Variants in LYN observed in about 807,000 individuals in gnomAD.
LYN encodes the protein LYN proto-oncogene, Src family tyrosine kinase, also known as tyrosine-protein kinase Lyn.
LYN carries 12 observed loss-of-function variants against 65.0 expected under a neutral mutation model. The observed-to-expected ratio is 0.18, with a 90% confidence interval of 0.12 to 0.30. The LOEUF is 0.30. LYN is among the 10% of genes least tolerant of loss of function. The pLI is 1.00. For missense variants in LYN, 380 were observed against 623.2 expected, an observed-to-expected ratio of 0.61 and a Z score of 4.16; for synonymous variants, 222 against 221.2, an observed-to-expected ratio of 1.00 and a Z score of -0.03.
intron 1 of LYN, among the ~76,000 whole-genome samples, chr8:55,919,638 C>T (rs553055937): frequency 6.6e-6 from 1 of 152,258 alleles, no homozygotes; most frequent in Admixed American, 6.5e-5. Context: ...AACCCATGCC[C>T]GTGGGAACAA....
chr8:56,011,536 AG>A lies in LYN; in HGVS notation c.*1427del, dbSNP rs1808817708. On this transcript the variant is annotated 3_prime_UTR_variant, in exon 13 of 13. Transcript: ENST00000519728. ...CCTTCCTTTGAACATTTCAGATTGG[AG>A]AACCAAGGAGTTGATTGCCTGAACA... 1 of 192,198 alleles carries A rather than the reference AG, an allele frequency of 5.2e-6. No individual in the cohort carries two copies. The highest frequency in any genetic ancestry group is 1.1e-5 in the Non-Finnish European group (1 of 92,156). The allele number at this position is 192,198 out of a possible 1,614,324, so 11.9% of individuals were successfully genotyped here.
chr8:55,946,606 A>G (rs1806785473), intron 3 of LYN, 113 bp downstream of exon 3: 1 of 717,830 alleles, frequency 1.4e-6, no homozygotes, highest in African/African-American at 1.8e-5. Context: ...TATATAACAT[A>G]AAAATTTACC....
At chr8:55,912,225 C>T (rs1461566566) in intron 1 of LYN, among the ~76,000 whole-genome samples, 1 of 152,052 alleles carries the variant, frequency 6.6e-6, no homozygotes, top group African/African-American at 2.4e-5. Flanking sequence ...TTCTGTGTGC[C>T]CCTTTTGCAA....
At chr8:55,896,442 G>A (rs889274568) in intron 1 of LYN, among the ~76,000 whole-genome samples, 1 of 151,846 alleles carries the variant, frequency 6.6e-6, no homozygotes, top group Non-Finnish European at 1.5e-5. Context: ...CTCATAAGTG[G>A]GAGCTGAACA....
intron 8 of LYN, among the ~76,000 whole-genome samples, chr8:55,966,450 C>A (rs1807462471): frequency 6.6e-6 from 1 of 152,050 alleles, no homozygotes; most frequent in African/African-American, 2.4e-5. Flanking sequence ...TCACTGCAAC[C>A]TCCACCTCCT....
chr8:55,919,634 T>A (rs1177946477), intron 1 of LYN, among the ~76,000 whole-genome samples: 1 of 152,154 alleles, frequency 6.6e-6, no homozygotes, highest in East Asian at 1.9e-4. Flanking sequence ...GAAAAACCCA[T>A]GCCCGTGGGA....
rs570931242 is a variant in LYN, at chr8:55,952,260, A to G, written c.637+145A>G. On this transcript the variant is annotated intron_variant, in intron 7 of 12. Coordinates refer to ENST00000519728, the MANE Select transcript of LYN (RefSeq NM_002350.4). Reference sequence around the variant, plus strand: ...CAGGTCATATTCTATAAGTGGTTCTAAATTAATCTATAGTTAGGCCAGGCA... The same window carrying G: ...CAGGTCATATTCTATAAGTGGTTCTGAATTAATCTATAGTTAGGCCAGGCA... 30 of 660,640 alleles carry G rather than the reference A, an allele frequency of 4.5e-5. No homozygotes were observed. The South Asian group carries it at 7.4e-4, about 16-fold the overall frequency. 40.9% of individuals were successfully genotyped at this position (660,640 alleles called of 1,614,324 possible).
intron 1 of LYN, among the ~76,000 whole-genome samples, chr8:55,894,860 G>T (rs897573735): frequency 6.6e-6 from 1 of 151,662 alleles, no homozygotes; most frequent in Non-Finnish European, 1.5e-5. Context: ...TGTATTTTTT[G>T]TAGAGATGGG....
At position 56,012,046 on chromosome 8, in the gene LYN, A is replaced by C; in HGVS notation, c.*1936A>C. The C allele has an allele frequency of 1.0e-5, 2 of 190,896 alleles. No individual in the cohort carries two copies. The highest frequency in any genetic ancestry group is 2.2e-5 in the Non-Finnish European group (2 of 91,208). The allele number at this position is 190,896 out of a possible 1,614,324, so 11.8% of individuals were successfully genotyped here. A position where few individuals can be genotyped will look rare whatever the true frequency, so the allele number is the denominator to read the frequency against. ...ATCTTCGCCTTGTTTTGCTTCTCCC[A>C]GTTCCTCCTCTTCTTGCCATTTTCC... On this transcript the variant is annotated 3_prime_UTR_variant, in exon 13 of 13. Transcript: ENST00000519728.
chr8:55,918,648 C>T (rs1031046711), intron 1 of LYN, among the ~76,000 whole-genome samples: 2 of 152,068 alleles, frequency 1.3e-5, no homozygotes, highest in African/African-American at 2.4e-5. Context: ...GCCAGGTGTT[C>T]GGGGTTGTCT....
chr8:55,910,244 T>C (rs1343995153), intron 1 of LYN, among the ~76,000 whole-genome samples: 2 of 152,210 alleles, frequency 1.3e-5, no homozygotes, highest in East Asian at 3.8e-4. Context: ...AGAAGTGTTT[T>C]CCCTAGATTT....
rs1808839510 is a variant in LYN, at chr8:56,012,217, T to C, written c.*2107T>C. On this transcript the variant is annotated 3_prime_UTR_variant, in exon 13 of 13. Coordinates refer to ENST00000519728, the MANE Select transcript of LYN (RefSeq NM_002350.4). ...CACACACAGTCTCCTTACTTAGCTA[T>C]AGGTTTCCAGCCTCCCTGTGACAGA... 5.5e-6 allele frequency: 1 copy of C among 181,560 alleles called. No individual in the cohort carries two copies. Among genetic ancestry groups the C allele is most frequent in the South Asian group, 2.0e-4 (1 of 5,082 alleles). 11.2% of individuals were successfully genotyped at this position (181,560 alleles called of 1,614,324 possible). A position where few individuals can be genotyped will look rare whatever the true frequency, so the allele number is the denominator to read the frequency against.
chr8:55,880,208 G>C (rs1033386626), intron 1 of LYN, 105 bp downstream of exon 1: 1 of 155,160 alleles, frequency 6.4e-6, no homozygotes, highest in African/African-American at 2.4e-5. Flanking sequence ...GGGTAGACTC[G>C]GGGCCGGGGG....
Position 56,012,258 on chromosome 8 carries a change from G to A in LYN, c.*2148G>A, listed in dbSNP as rs1280242992. ...CTGTGACAGACAGGCATAATGAGGG[G>A]CTGAATAGGTGTTTGTAGCATTTTC... is the stretch of plus-strand genomic sequence containing the variant. On this transcript the variant is annotated 3_prime_UTR_variant, in exon 13 of 13. Coordinates refer to ENST00000519728, the MANE Select transcript of LYN (RefSeq NM_002350.4). The A allele has an allele frequency of 2.2e-5, 4 of 180,530 alleles. No homozygotes were observed. In the South Asian group the frequency reaches 7.9e-4, roughly 36 times the overall value. 11.2% of individuals were successfully genotyped at this position (180,530 alleles called of 1,614,324 possible).
chr8:55,978,103 A>G (rs1391528923), intron 10 of LYN, among the ~76,000 whole-genome samples: 1 of 152,174 alleles, frequency 6.6e-6, no homozygotes, highest in African/African-American at 2.4e-5. Flanking sequence ...AAACCTCTCA[A>G]CCAAGTGGCT....
intron 10 of LYN, among the ~76,000 whole-genome samples, chr8:55,978,407 C>T (rs556045841): frequency 2.2e-4 from 33 of 152,200 alleles, no homozygotes; most frequent in Non-Finnish European, 2.5e-4. Flanking sequence ...ATTGCGGGCA[C>T]GGGGTTGAGG....
At chr8:55,987,954 A>G (rs1441288323) in intron 10 of LYN, among the ~76,000 whole-genome samples, 3 of 152,188 alleles carry the variant, frequency 2.0e-5, no homozygotes, top group Non-Finnish European at 4.4e-5. Flanking sequence ...CATGGTAGCA[A>G]TCATCATCAT....
chr8:55,957,260 A>G (rs557942098), intron 8 of LYN, among the ~76,000 whole-genome samples: 3 of 152,262 alleles, frequency 2.0e-5, no homozygotes, highest in Non-Finnish European at 4.4e-5. Flanking sequence ...CGTGTGCCCT[A>G]TTTTTATTAT....
Position 56,013,220 on chromosome 8 carries a change from G to A in LYN, c.*3110G>A, listed in dbSNP as rs1199073443. The A allele has an allele frequency of 6.6e-6, 1 of 151,754 alleles. No individual in the cohort carries two copies. Among genetic ancestry groups the A allele is most frequent in the African/African-American group, 2.4e-5 (1 of 41,256 alleles). The allele number at this position is 151,754 out of a possible 1,614,324, so 9.4% of individuals were successfully genotyped here. A position where few individuals can be genotyped will look rare whatever the true frequency, so the allele number is the denominator to read the frequency against. The stretch of plus-strand genomic sequence containing the variant: ...ATCGAGGGCACTGAAAGCATCATAA[G>A]TATAAACTCATCTCCACGTCAGCTT... On this transcript the variant is annotated 3_prime_UTR_variant, in exon 13 of 13. Transcript: ENST00000519728.
Sources: gnomAD v4.1 joint callset for allele counts (sites outside exome capture counted in the v4.1 genomes callset) on GRCh38, gnomAD v4.1.1 for gene constraint, MANE v1.5 for transcripts, NCBI Gene and HGNC (gene_info 2026-07-23, HGNC 2026-07-21) for gene names.